ARHGEF28: variants seen among roughly 807,000 people sequenced by gnomAD.
The protein encoded by ARHGEF28 is Rho guanine nucleotide exchange factor 28, also known as 190 kDa guanine nucleotide exchange factor.
A neutral mutation model predicts 206.6 loss-of-function variants in ARHGEF28; 152 were observed. That is an observed-to-expected ratio of 0.74 (90% CI 0.64 to 0.84). The LOEUF is 0.84. Among genes scored for constraint, ARHGEF28 ranks in the 40% least tolerant of loss-of-function variants. ARHGEF28 has a pLI of 0.00. For synonymous variants in ARHGEF28, 763 were observed against 776.4 expected (o/e 0.98, Z 0.29); for missense variants, 2,028 against 2,073.2 (o/e 0.98, Z 0.42).
intron 1 of ARHGEF28, among the ~76,000 whole-genome samples, chr5:73,681,779 C>T (rs995725436): frequency 1.1e-4 from 16 of 151,874 alleles, no homozygotes; most frequent in Non-Finnish European, 1.8e-4. Flanking sequence ...CATGCCACTG[C>T]GCTCTAGCCT....
chr5:73,791,732 C>T (rs1441046318), intron 7 of ARHGEF28, among the ~76,000 whole-genome samples: 1 of 152,140 alleles, frequency 6.6e-6, no homozygotes, highest in Non-Finnish European at 1.5e-5. Context: ...TGCAGTGTCA[C>T]TAGTAAACAT....
intron 35 of ARHGEF28, among the ~76,000 whole-genome samples, chr5:73,932,960 C>A (rs1327825495): frequency 3.3e-5 from 5 of 151,548 alleles, no homozygotes; most frequent in Non-Finnish European, 7.4e-5. Context: ...AGGCGCGCGC[C>A]ACCATGCCCG....
chr5:73,773,947 C>T lies in ARHGEF28; in HGVS notation c.568C>T (p.Gln190Ter). ...QFFLCLPGGV[Q>*]ALALPNEEGA... is the part of the protein sequence containing the mutation. The stretch of plus-strand genomic sequence containing the variant: ...CTTCTTGTGTCTCCCGGGGGGAGTC[C>T]AGGCCTTGGCTTTACCCAACGAAGA... The change falls in exon 5 of 36, where the codon CAG (glutamine) becomes TAG (stop). Residue 190 changes from glutamine to a stop codon, truncating the protein, a stop_gained. Transcript: ENST00000513042. LOFTEE classifies it high-confidence loss of function. 1 of 1,607,354 alleles carries T rather than the reference C, an allele frequency of 6.2e-7. No homozygotes were observed. The highest frequency in any genetic ancestry group is 8.5e-7 in the Non-Finnish European group (1 of 1,176,780).
At chr5:73,757,511 C>A (rs1386818772) in intron 4 of ARHGEF28, among the ~76,000 whole-genome samples, 1 of 152,160 alleles carries the variant, frequency 6.6e-6, no homozygotes, top group Non-Finnish European at 1.5e-5. Context: ...ATGAACTTCT[C>A]ATTTTTTTCC....
At chr5:73,686,574 A>T (rs1198803696) in intron 2 of ARHGEF28, among the ~76,000 whole-genome samples, 1 of 145,500 alleles carries the variant, frequency 6.9e-6, no homozygotes, top group Non-Finnish European at 1.5e-5. Flanking sequence ...GCTGGAGTGC[A>T]GTGGTGCGGT....
rs116829434 is a variant in ARHGEF28, at chr5:73,634,866, C to T, written c.-12+8544C>T. ...AGTCTTCTATGCTCTATCACCAGCCCCAAGCCAACCTATTCCTTTCTTGAC... is the reference window on the plus strand; with the variant it reads ...AGTCTTCTATGCTCTATCACCAGCCTCAAGCCAACCTATTCCTTTCTTGAC... On this transcript the variant is annotated intron_variant, in intron 1 of 35. Coordinates refer to ENST00000513042, the MANE Select transcript of ARHGEF28 (RefSeq NM_001177693.2). Among the ~76,000 whole-genome samples the T allele has an allele frequency of 4.7e-3, 711 of 152,266 alleles. 3 individuals carry two copies. Among genetic ancestry groups the T allele is most frequent in the Middle Eastern group, 0.017 (5 of 294 alleles).
At chr5:73,781,093 G>A (rs1344886630) in intron 7 of ARHGEF28, among the ~76,000 whole-genome samples, 1 of 152,058 alleles carries the variant, frequency 6.6e-6, no homozygotes, top group South Asian at 2.1e-4. Context: ...TTGTTCTTTA[G>A]TTTCTTCCAC....
intron 2 of ARHGEF28, among the ~76,000 whole-genome samples, chr5:73,743,027 TG>T (rs1290981041): frequency 2.6e-5 from 4 of 152,286 alleles, no homozygotes; most frequent in African/African-American, 9.6e-5. Flanking sequence ...TTTGTAAAAT[TG>T]TTTGTATATT....
In ARHGEF28 at chr5:73,874,089, C is replaced by G. The variant is rs139168373; in HGVS notation, c.2814+843C>G. The stretch of plus-strand genomic sequence containing the variant: ...TTTTAAGAGGTATAAAGTAATATCT[C>G]ATTATGGTTCAAGTTGCACTTCCCT... On this transcript the variant is annotated intron_variant, in intron 22 of 35. Coordinates refer to ENST00000513042, the MANE Select transcript of ARHGEF28 (RefSeq NM_001177693.2). Among the ~76,000 whole-genome samples the G allele has an allele frequency of 1.9e-3, 288 of 152,260 alleles. 2 individuals are homozygous for G. The highest frequency in any genetic ancestry group is 6.5e-3 in the African/African-American group (271 of 41,548).
At chr5:73,640,714 A>G (rs1744024656) in intron 1 of ARHGEF28, among the ~76,000 whole-genome samples, 3 of 152,224 alleles carry the variant, frequency 2.0e-5, no homozygotes. Flanking sequence ...AAATGGGAAT[A>G]ATACCAGCCC....
chr5:73,837,563 G>A lies in ARHGEF28; in HGVS notation c.1147-2917G>A, dbSNP rs558461235. Among the ~76,000 whole-genome samples the A allele has an allele frequency of 6.2e-4, 94 of 151,762 alleles. 1 individual carries two copies. The highest frequency in any genetic ancestry group is 3.4e-3 in the Middle Eastern group (1 of 294). ...CCATTTACCTCAAGTAACTAAAATT[G>A]TAAATTACTCAATATTATGTGGGGA... On this transcript the variant is annotated intron_variant, in intron 10 of 35. Transcript: ENST00000513042.
At chr5:73,735,354 G>T (rs1364686575) in intron 2 of ARHGEF28, among the ~76,000 whole-genome samples, 1 of 151,890 alleles carries the variant, frequency 6.6e-6, no homozygotes, top group African/African-American at 2.4e-5. Flanking sequence ...AGATAGGCAG[G>T]CACTGTTTTT....
rs1743784213 is a variant in ARHGEF28, at chr5:73,637,312, T to C, written c.-12+10990T>C. ...CCCTAACCCCGCTCCCATCTTTCTCTACCTCTCCTCCTTCTCTCAAGAAAC... is the reference window on the plus strand; with the variant it reads ...CCCTAACCCCGCTCCCATCTTTCTCCACCTCTCCTCCTTCTCTCAAGAAAC... On this transcript the variant is annotated intron_variant, in intron 1 of 35. Coordinates refer to ENST00000513042, the MANE Select transcript of ARHGEF28 (RefSeq NM_001177693.2). Among the ~76,000 whole-genome samples the C allele has an allele frequency of 2.6e-5, 4 of 152,182 alleles. No homozygotes were observed. The East Asian group carries it at 7.7e-4, about 29-fold the overall frequency.
At chr5:73,820,863 T>C (rs560064380) in intron 9 of ARHGEF28, among the ~76,000 whole-genome samples, 1 of 152,152 alleles carries the variant, frequency 6.6e-6, no homozygotes, top group Non-Finnish European at 1.5e-5. Flanking sequence ...CTGCTTGACC[T>C]TTTTCTTCCT....
chr5:73,834,363 C>T (rs1438041109), intron 10 of ARHGEF28, among the ~76,000 whole-genome samples: 1 of 152,176 alleles, frequency 6.6e-6, no homozygotes, highest in East Asian at 1.9e-4. Flanking sequence ...CCCTAGTAAG[C>T]ACTCTTCTAC....
chr5:73,863,154 T>C (rs939186148), intron 16 of ARHGEF28: 2 of 152,216 alleles, frequency 1.3e-5, no homozygotes, highest in Non-Finnish European at 2.9e-5. Flanking sequence ...TTCTGCCTTA[T>C]GCTTGAGGAC....
Position 73,883,790 on chromosome 5 carries a change from T to C in ARHGEF28, c.2961T>C (p.Ala987=). ...FIKLRNSNLL[A]RRRGIPECIL... ...AGCTCCGAAATAGTAATCTTTTGGC[T>C]CGACGCCGAGGAATTCCAGAATGCA... is the stretch of plus-strand genomic sequence containing the variant. The change falls in exon 24 of 36, where the codon GCT becomes GCC. Residue 987 remains alanine, a synonymous_variant. Coordinates refer to ENST00000513042, the MANE Select transcript of ARHGEF28 (RefSeq NM_001177693.2). 1 of 1,562,702 alleles carries C rather than the reference T, an allele frequency of 6.4e-7. No individual in the cohort carries two copies. Among genetic ancestry groups the C allele is most frequent in the Non-Finnish European group, 8.7e-7 (1 of 1,153,910 alleles).
chr5:73,877,995 G>A (rs893806589), intron 22 of ARHGEF28, among the ~76,000 whole-genome samples: 1 of 151,992 alleles, frequency 6.6e-6, no homozygotes, highest in Non-Finnish European at 1.5e-5. Flanking sequence ...CTTTCTGTCT[G>A]GTTGATCTGT....
intron 2 of ARHGEF28, among the ~76,000 whole-genome samples, chr5:73,718,340 G>A (rs1235903329): frequency 6.6e-6 from 1 of 152,266 alleles, no homozygotes; most frequent in Non-Finnish European, 1.5e-5. Context: ...TCTGCTCTAG[G>A]GATGTTGTCT....
Sources: gnomAD v4.1 joint callset for allele counts (sites outside exome capture counted in the v4.1 genomes callset) on GRCh38, gnomAD v4.1.1 for gene constraint, MANE v1.5 for transcripts, NCBI Gene and HGNC (gene_info 2026-07-23, HGNC 2026-07-21) for gene names.